Variants in CAPS2 observed in about 807,000 individuals in gnomAD.
The protein encoded by CAPS2 is calcyphosine 2.
CAPS2 carries 98 observed loss-of-function variants against 86.5 expected under a neutral mutation model. That is an observed-to-expected ratio of 1.13 (90% confidence interval 0.96 to 1.34). The LOEUF is 1.34. CAPS2 is among the 40% of genes most tolerant of loss of function. CAPS2 has a pLI of 0.00. For missense variants in CAPS2, 729 were observed against 686.8 expected (o/e 1.06, Z -0.69); for synonymous variants, 210 against 225.1 (o/e 0.93, Z 0.60).
intron 1 of CAPS2, among the ~76,000 whole-genome samples, chr12:75,382,845 A>T: frequency 6.6e-6 from 1 of 152,214 alleles, no homozygotes; most frequent in Non-Finnish European, 1.5e-5. Flanking sequence ...CAAAAAGTAT[A>T]TAAGTAGCAG....
intron 1 of CAPS2, among the ~76,000 whole-genome samples, chr12:75,337,218 G>A (rs1361333893): frequency 6.6e-6 from 1 of 151,558 alleles, no homozygotes. Flanking sequence ...TTTAAATTAA[G>A]CACAAGAAAA....
intron 1 of CAPS2, among the ~76,000 whole-genome samples, chr12:75,359,519 T>C (rs1046451522): frequency 1.3e-5 from 2 of 151,738 alleles, no homozygotes; most frequent in Admixed American, 6.6e-5. Context: ...CAACTTGAAA[T>C]AGAATAAATT....
intron 1 of CAPS2, among the ~76,000 whole-genome samples, chr12:75,359,457 C>T (rs1238365606): frequency 3.9e-5 from 5 of 127,316 alleles, no homozygotes; most frequent in African/African-American, 1.5e-4. Flanking sequence ...TATAAATTGA[C>T]AAGTTGATCA....
intron 1 of CAPS2, chr12:75,347,805 C>G: frequency 1.4e-6 from 1 of 732,388 alleles, no homozygotes; most frequent in Non-Finnish European, 2.2e-6. Context: ...ATACTAGACA[C>G]AAGTGTATTT....
intron 1 of CAPS2, among the ~76,000 whole-genome samples, chr12:75,338,793 C>G (rs1362475211): frequency 6.6e-6 from 1 of 151,834 alleles, no homozygotes; most frequent in Non-Finnish European, 1.5e-5. Flanking sequence ...TGTTGATCCC[C>G]CCATGTGTCC....
chr12:75,376,894 G>C (rs956933076), intron 1 of CAPS2, among the ~76,000 whole-genome samples: 4 of 152,132 alleles, frequency 2.6e-5, no homozygotes, highest in African/African-American at 9.7e-5. Flanking sequence ...ACGATCTGAG[G>C]CTCAGTATGG....
chr12:75,360,208 C>A (rs934143046), intron 1 of CAPS2: 2 of 152,104 alleles, frequency 1.3e-5, no homozygotes, highest in African/African-American at 4.8e-5. Context: ...CAGAGCCAAA[C>A]CCTATCATTC....
At chr12:75,353,349 A>G (rs1275240725) in intron 1 of CAPS2, among the ~76,000 whole-genome samples, 1 of 152,240 alleles carries the variant, frequency 6.6e-6, no homozygotes, top group African/African-American at 2.4e-5. Context: ...AACAACCATC[A>G]GAGAATACTA....
intron 11 of CAPS2, among the ~76,000 whole-genome samples, chr12:75,296,596 C>T (rs1453082506): frequency 6.6e-6 from 1 of 152,126 alleles, no homozygotes; most frequent in African/African-American, 2.4e-5. Context: ...CCAGCGTGGT[C>T]TCACTTTTAT....
exon 12 of CAPS2, chr12:75,293,317 G>A (rs765494739): frequency 1.8e-5 from 29 of 1,611,934 alleles, no homozygotes; most frequent in East Asian, 4.5e-5. Context: ...TTTCTTTGAT[G>A]CTTTCTGGAA....
At chr12:75,380,708 A>G (rs1193024311) in intron 1 of CAPS2, among the ~76,000 whole-genome samples, 3 of 152,212 alleles carry the variant, frequency 2.0e-5, no homozygotes, top group African/African-American at 4.8e-5. Context: ...TATGCCAAGC[A>G]CTAAGTGCCT....
chr12:75,332,766 T>C (rs1356057169), upstream of CAPS2, among the ~76,000 whole-genome samples: 4 of 152,176 alleles, frequency 2.6e-5, no homozygotes, highest in African/African-American at 9.7e-5. Context: ...ACAAAGCTAC[T>C]GTTGTGGTGA....
intron 7 of CAPS2, among the ~76,000 whole-genome samples, chr12:75,308,767 G>T (rs988600759): frequency 6.6e-6 from 1 of 151,838 alleles, no homozygotes; most frequent in African/African-American, 2.4e-5. Flanking sequence ...GGGTGACTGA[G>T]CAAGAAGCGA....
At chr12:75,318,513 T>A in intron 5 of CAPS2, among the ~76,000 whole-genome samples, 1 of 152,112 alleles carries the variant, frequency 6.6e-6, no homozygotes, top group Non-Finnish European at 1.5e-5. Context: ...TCCCTTGCTC[T>A]CCCTCCTTTG....
chr12:75,279,058 T>C (rs756151386), exon 17 of CAPS2: 2 of 1,590,320 alleles, frequency 1.3e-6, no homozygotes, highest in Non-Finnish European at 1.7e-6. Context: ...CTTCCTCTGT[T>C]GAATGGCCTA....
At chr12:75,293,325 G>A in exon 12 of CAPS2, 1 of 1,612,036 alleles carries the variant, frequency 6.2e-7, no homozygotes, top group Non-Finnish European at 8.5e-7. Context: ...ATGCTTTCTG[G>A]AAGGCTGAGA....
intron 16 of CAPS2, among the ~76,000 whole-genome samples, chr12:75,281,625 A>G (rs2033964182): frequency 1.3e-5 from 2 of 152,104 alleles, no homozygotes; most frequent in Non-Finnish European, 2.9e-5. Flanking sequence ...ATAATGTATT[A>G]ACTGAAATAT....
chr12:75,299,412 C>T (rs2037439365), intron 9 of CAPS2, among the ~76,000 whole-genome samples: 3 of 152,048 alleles, frequency 2.0e-5, no homozygotes. Flanking sequence ...TTATTTATTA[C>T]TGGAAATCTA....
At chr12:75,334,430 C>G, upstream of CAPS2, 1 of 1,162,780 alleles carries the variant, frequency 8.6e-7, no homozygotes, top group Non-Finnish European at 1.1e-6. Flanking sequence ...ACAATCCAGA[C>G]GCGCTCTGCA....
Sources: gnomAD v4.1 joint callset for allele counts (sites outside exome capture counted in the v4.1 genomes callset) on GRCh38, gnomAD v4.1.1 for gene constraint, MANE v1.5 for transcripts, NCBI Gene and HGNC (gene_info 2026-07-23, HGNC 2026-07-21) for gene names.